The following CSMD1 variants were observed in gnomAD, a reference collection of about 807,000 sequenced individuals.
The protein encoded by CSMD1 is CUB and Sushi multiple domains 1, also known as CUB and sushi domain-containing protein 1.
Under a neutral mutation model 417.5 loss-of-function variants are expected in CSMD1, and 213 were observed. The ratio of observed to expected loss-of-function variants is 0.51; its 90% CI spans 0.46 to 0.57. The LOEUF is 0.57. Ranked by LOEUF, CSMD1 falls within the 20% of genes least tolerant of loss-of-function variation. The pLI is 0.00. For missense variants in CSMD1, 6,923 were observed against 4,529.7 expected (o/e 1.53, Z -15.17); for synonymous variants, 2,862 against 1,736.8 (o/e 1.65, Z -16.11).
intron 12 of CSMD1, among the ~76,000 whole-genome samples, chr8:3,463,486 C>G (rs768777695): frequency 5.9e-5 from 9 of 152,204 alleles, no homozygotes; most frequent in Non-Finnish European, 1.2e-4. Context: ...CGTCCTGCAG[C>G]TTCACCTTCT....
chr8:4,468,218 CATGCCTGGGGA>C (rs1435742596), intron 2 of CSMD1, among the ~76,000 whole-genome samples: 3 of 152,290 alleles, frequency 2.0e-5, no homozygotes, highest in African/African-American at 7.2e-5. Context: ...GTGCCTGGGG[CATGCCTGGGGA>C]AAGGAAGGAG....
intron 1 of CSMD1, among the ~76,000 whole-genome samples, chr8:4,645,956 C>T (rs779046351): frequency 1.1e-4 from 16 of 152,130 alleles, no homozygotes; most frequent in African/African-American, 1.7e-4. Flanking sequence ...GTGATAAAGT[C>T]GGTTATATTC....
chr8:4,102,876 C>A (rs1321096387), intron 3 of CSMD1, among the ~76,000 whole-genome samples: 1 of 152,172 alleles, frequency 6.6e-6, no homozygotes, highest in Non-Finnish European at 1.5e-5. Flanking sequence ...GCGCCCTTAC[C>A]TCTGCAGTCT....
chr8:3,053,972 G>A (rs562668390), intron 49 of CSMD1, among the ~76,000 whole-genome samples: 136 of 152,248 alleles, frequency 8.9e-4, no homozygotes, highest in African/African-American at 3.0e-3. Flanking sequence ...AAGATAGAGC[G>A]GGAAGGGCTG....
At chr8:3,004,192 A>G (rs1050686453) in intron 52 of CSMD1, among the ~76,000 whole-genome samples, 4 of 152,172 alleles carry the variant, frequency 2.6e-5, no homozygotes, top group Non-Finnish European at 5.9e-5. Flanking sequence ...TGGACCTTAC[A>G]CTATGATGCC....
intron 3 of CSMD1, among the ~76,000 whole-genome samples, chr8:4,141,170 G>T (rs541574742): frequency 6.6e-6 from 1 of 151,170 alleles, no homozygotes; most frequent in Non-Finnish European, 1.5e-5. Context: ...GTCTCTCACA[G>T]TTTCAAAAAA....
chr8:3,040,387 A>AATATATATATATAT lies in CSMD1; in HGVS notation c.7661-10888_7661-10875dup, dbSNP rs35722761. 4.9e-3 allele frequency among the ~76,000 whole-genome samples: 667 copies of AATATATATATATAT among 137,430 alleles called. 3 individuals are homozygous for AATATATATATATAT. The highest frequency in any genetic ancestry group is 0.015 in the Admixed American group (198 of 13,248). 90.2% of individuals were successfully genotyped at this position (137,430 alleles called of 152,430 possible). ...GGTGTAGATAGCATATACACATTGA[A>AATATATATATATAT]ATATATATATATATATATATATATA... is the stretch of plus-strand genomic sequence containing the variant. On this transcript the variant is annotated intron_variant, in intron 50 of 69. Transcript: ENST00000635120.
intron 8 of CSMD1, among the ~76,000 whole-genome samples, chr8:3,586,489 A>T (rs1160383961): frequency 6.6e-6 from 1 of 152,016 alleles, no homozygotes; most frequent in Admixed American, 6.5e-5. Flanking sequence ...TTCAGAACTA[A>T]ACAAACACAT....
In CSMD1 at chr8:4,832,905, A is replaced by C. The variant is rs146128724; in HGVS notation, c.85+161427T>G. On this transcript the variant is annotated intron_variant, in intron 1 of 69. Transcript: ENST00000635120. Reference sequence around the variant, plus strand: ...TAACAGAAAGCTCCGAACTAGCTCAAGCACTCTAAGTTTAGTACCCTTGAT... The same window carrying C: ...TAACAGAAAGCTCCGAACTAGCTCACGCACTCTAAGTTTAGTACCCTTGAT... 1.5e-4 allele frequency among the ~76,000 whole-genome samples: 23 copies of C among 152,284 alleles called. No homozygotes were observed. In the East Asian group the frequency reaches 4.3e-3, roughly 28 times the overall value.
chr8:4,818,191 C>T (rs1489909154), intron 1 of CSMD1, among the ~76,000 whole-genome samples: 1 of 152,044 alleles, frequency 6.6e-6, no homozygotes, highest in Admixed American at 6.5e-5. Flanking sequence ...TATCATATCA[C>T]CATGAGTTCT....
At chr8:4,107,756 A>T (rs1409018265) in intron 3 of CSMD1, among the ~76,000 whole-genome samples, 1 of 152,194 alleles carries the variant, frequency 6.6e-6, no homozygotes, top group East Asian at 1.9e-4. Flanking sequence ...GCGGTTTGTC[A>T]CATGACTGCA....
chr8:3,724,939 T>C (rs1270790338), intron 6 of CSMD1, among the ~76,000 whole-genome samples: 2 of 152,350 alleles, frequency 1.3e-5, no homozygotes, highest in South Asian at 2.1e-4. Flanking sequence ...TACAAATTCT[T>C]TTTAAAATAT....
intron 10 of CSMD1, among the ~76,000 whole-genome samples, chr8:3,506,268 T>A (rs1431585901): frequency 2.6e-5 from 4 of 152,210 alleles, no homozygotes; most frequent in African/African-American, 9.6e-5. Flanking sequence ...TGGCATCATC[T>A]GTCACAGACA....
At chr8:3,495,537 G>C (rs4493928) in intron 10 of CSMD1, among the ~76,000 whole-genome samples, 1 of 152,136 alleles carries the variant, frequency 6.6e-6, no homozygotes, top group African/African-American at 2.4e-5. Flanking sequence ...ACAATCAGCA[G>C]GTCCTGTTGT....
intron 3 of CSMD1, among the ~76,000 whole-genome samples, chr8:4,349,010 A>G (rs944802319): frequency 2.0e-5 from 3 of 152,172 alleles, no homozygotes; most frequent in African/African-American, 7.2e-5. Flanking sequence ...TGAAAATCCA[A>G]CTGTCCACAC....
chr8:3,445,411 T>A (rs1815236303), intron 12 of CSMD1, among the ~76,000 whole-genome samples: 2 of 152,204 alleles, frequency 1.3e-5, no homozygotes, highest in Admixed American at 1.3e-4. Context: ...TGACTGTGCC[T>A]ACTTGCAGAT....
chr8:4,369,799 A>T (rs1802296985), intron 3 of CSMD1, among the ~76,000 whole-genome samples: 1 of 152,170 alleles, frequency 6.6e-6, no homozygotes, highest in African/African-American at 2.4e-5. Context: ...ATCTTTATCC[A>T]TCCCTTTACT....
intron 37 of CSMD1, among the ~76,000 whole-genome samples, chr8:3,177,486 T>C (rs1347868431): frequency 6.6e-6 from 1 of 152,184 alleles, no homozygotes; most frequent in Non-Finnish European, 1.5e-5. Context: ...TAAAGTGACA[T>C]AAGATTATTT....
chr8:3,731,685 G>A (rs1488406714), intron 6 of CSMD1, among the ~76,000 whole-genome samples: 2 of 152,148 alleles, frequency 1.3e-5, no homozygotes, highest in African/African-American at 4.8e-5. Context: ...AACAATTGAG[G>A]AAACAAAGTA....
Sources: allele counts gnomAD v4.1 joint callset (sites outside exome capture counted in the v4.1 genomes callset), GRCh38; gene constraint gnomAD v4.1.1; transcripts MANE v1.5; gene names NCBI Gene and HGNC (gene_info 2026-07-23, HGNC 2026-07-21).